The following COPZ1 variants were observed in gnomAD, a reference collection of about 807,000 sequenced individuals.
COPZ1 encodes the protein coat protein complex I subunit zeta 1.
Under a neutral mutation model 31.7 loss-of-function variants are expected in COPZ1, and 4 were observed. That is an observed-to-expected ratio of 0.13 (90% CI 0.06 to 0.29). The LOEUF (loss-of-function observed/expected upper bound fraction) is 0.29, where lower values mean the gene tolerates loss of function less well. Among genes scored for constraint, COPZ1 ranks in the 10% least tolerant of loss-of-function variants. The pLI is 1.00. For missense variants in COPZ1, 156 were observed against 211.5 expected (o/e 0.74, Z 1.63); for synonymous variants, 74 against 79.0 (o/e 0.94, Z 0.33).
At chr12:54,342,378 A>T in intron 3 of COPZ1, 91 bp downstream of exon 3, 2 of 938,548 alleles carry the variant, frequency 2.1e-6, no homozygotes, top group African/African-American at 1.6e-5. Flanking sequence ...GGATGAAATG[A>T]CTCTGCCTTT....
At chr12:54,334,891 A>C (rs1280417509) in intron 1 of COPZ1, among the ~76,000 whole-genome samples, 1 of 152,118 alleles carries the variant, frequency 6.6e-6, no homozygotes, top group African/African-American at 2.4e-5. Flanking sequence ...GTTGGCACAG[A>C]GGCCAGGTGC....
chr12:54,343,207 C>T lies in COPZ1; in HGVS notation c.170-18C>T. 1 of 1,603,722 alleles carries T rather than the reference C, an allele frequency of 6.2e-7. No homozygotes were observed. The highest frequency in any genetic ancestry group is 8.5e-7 in the Non-Finnish European group (1 of 1,170,640). ...TATCTCAAGCCACCCACTATTTTTA[C>T]TTTTTTTCCCCCACCAGGTGAAATT... On this transcript the variant is annotated intron_variant, in intron 3 of 8. Coordinates refer to ENST00000262061, the MANE Select transcript of COPZ1 (RefSeq NM_016057.3).
chr12:54,333,643 A>T (rs147737219), intron 1 of COPZ1, among the ~76,000 whole-genome samples: 14 of 152,258 alleles, frequency 9.2e-5, no homozygotes, highest in African/African-American at 3.4e-4. Context: ...GTTCAGGTCC[A>T]GCCTGGGCAA....
intron 1 of COPZ1, among the ~76,000 whole-genome samples, chr12:54,327,442 C>T (rs1171030806): frequency 6.6e-6 from 1 of 151,952 alleles, no homozygotes; most frequent in Non-Finnish European, 1.5e-5. Flanking sequence ...GGACTACAGG[C>T]ACGTGCTGCC....
At chr12:54,343,185 C>G in intron 3 of COPZ1, 40 bp from the exon 4 acceptor site, 1 of 1,513,878 alleles carries the variant, frequency 6.6e-7, no homozygotes, top group Non-Finnish European at 9.2e-7. Flanking sequence ...ACTTCCTTAT[C>G]TCAAGCCACC....
chr12:54,335,736 A>T (rs1223598091), intron 1 of COPZ1, among the ~76,000 whole-genome samples: 1 of 151,778 alleles, frequency 6.6e-6, no homozygotes, highest in Non-Finnish European at 1.5e-5. Context: ...CAGTAGCGCA[A>T]TTGTAGCTCA....
chr12:54,340,765 C>T (rs1233698461), intron 2 of COPZ1, 150 bp downstream of exon 2: 3 of 858,880 alleles, frequency 3.5e-6, no homozygotes, highest in South Asian at 1.8e-5. Context: ...GAGTTTCGCT[C>T]TTATCACCCA....
At chr12:54,349,700 T>A in intron 8 of COPZ1, 42 bp downstream of exon 8, 1 of 1,497,098 alleles carries the variant, frequency 6.7e-7, no homozygotes, top group Non-Finnish European at 9.3e-7. Flanking sequence ...ACTGGGTCAC[T>A]AAAGAGGCTA....
intron 1 of COPZ1, among the ~76,000 whole-genome samples, chr12:54,333,525 T>TTAA (rs1953797155): frequency 6.6e-6 from 1 of 152,152 alleles, no homozygotes; most frequent in Admixed American, 6.6e-5. Flanking sequence ...AAAATTTGAG[T>TTAA]TAATGGCTGA....
chr12:54,349,983 A>G (rs564631119), intron 8 of COPZ1: 800 of 591,164 alleles, frequency 1.4e-3, no homozygotes, highest in Non-Finnish European at 2.1e-3. Flanking sequence ...GCATTTGTGC[A>G]CACACACTCT....
chr12:54,334,116 G>T (rs1371725149), intron 1 of COPZ1, among the ~76,000 whole-genome samples: 3 of 151,924 alleles, frequency 2.0e-5, no homozygotes, highest in Non-Finnish European at 4.4e-5. Flanking sequence ...GATATAGGCT[G>T]GGCGTGGTGG....
Position 54,350,629 on chromosome 12 carries a change from C to T in COPZ1, c.*106C>T, listed in dbSNP as rs1296710109. On this transcript the variant is annotated 3_prime_UTR_variant, in exon 9 of 9. Transcript: ENST00000262061. ...ATGCTCTCAGGGTCATCTCGGGGAT[C>T]ACAGGGATCCTTAAATCTCCATTCT... 1 of 905,142 alleles carries T rather than the reference C, an allele frequency of 1.1e-6. No homozygotes were observed. The highest frequency in any genetic ancestry group is 1.6e-5 in the African/African-American group (1 of 61,334). The allele number at this position is 905,142 out of a possible 1,614,324, so 56.1% of individuals were successfully genotyped here. A position where few individuals can be genotyped will look rare whatever the true frequency, so the allele number is the denominator to read the frequency against.
In COPZ1 at chr12:54,332,903, G is replaced by A. The variant is rs139116872; in HGVS notation, c.19-7644G>A. ...ACTGGATGCCAGGTAGAGTAGAGGG[G>A]GTGGTTTACAAAAGTATCACTCATT... is the stretch of plus-strand genomic sequence containing the variant. On this transcript the variant is annotated intron_variant, in intron 1 of 8. Transcript: ENST00000262061. 1.6e-4 allele frequency among the ~76,000 whole-genome samples: 24 copies of A among 151,982 alleles called. No homozygotes were observed. In the East Asian group the frequency reaches 4.4e-3, roughly 28 times the overall value.
rs762469625 is a variant in COPZ1, at chr12:54,350,343, T to C, written c.487-133T>C. On this transcript the variant is annotated intron_variant, in intron 8 of 8. Coordinates refer to ENST00000262061, the MANE Select transcript of COPZ1 (RefSeq NM_016057.3). ...CCTTAGAGAGCTTCTTCCCATCTCT[T>C]TACCCTTGGGGATTTTCTATTCTCC... is the stretch of plus-strand genomic sequence containing the variant. 3.6e-6 allele frequency: 3 copies of C among 822,320 alleles called. No homozygotes were observed. The Admixed American group carries it at 5.1e-5, about 14-fold the overall frequency. 50.9% of individuals were successfully genotyped at this position (822,320 alleles called of 1,614,324 possible).
intron 1 of COPZ1, among the ~76,000 whole-genome samples, chr12:54,329,762 T>G (rs565006950): frequency 6.6e-6 from 1 of 152,282 alleles, no homozygotes; most frequent in Non-Finnish European, 1.5e-5. Flanking sequence ...AAATCCTAAA[T>G]TCTAAGCCTC....
intron 7 of COPZ1, among the ~76,000 whole-genome samples, chr12:54,348,578 GAC>G (rs1954100875): frequency 6.6e-6 from 1 of 151,844 alleles, no homozygotes; most frequent in East Asian, 1.9e-4. Context: ...CTCTACTAAA[GAC>G]ACAAAAATTA....
At chr12:54,329,087 C>G (rs771816976) in intron 1 of COPZ1, among the ~76,000 whole-genome samples, 1 of 152,168 alleles carries the variant, frequency 6.6e-6, no homozygotes, top group Non-Finnish European at 1.5e-5. Flanking sequence ...AGGAAAGAGA[C>G]CCTTTCATCT....
rs756106705 is a variant in COPZ1, at chr12:54,342,302, T to C, written c.169+15T>C. ...TCGGACTGACAGTAGGTCATTTTCCTTTCACTACTACCCGTGCTGGGGGGA... is the reference window on the plus strand; with the variant it reads ...TCGGACTGACAGTAGGTCATTTTCCCTTCACTACTACCCGTGCTGGGGGGA... On this transcript the variant is annotated intron_variant, in intron 3 of 8. Transcript: ENST00000262061. The C allele has an allele frequency of 6.3e-7, 1 of 1,592,870 alleles. No homozygotes were observed. Among genetic ancestry groups the C allele is most frequent in the Non-Finnish European group, 8.6e-7 (1 of 1,160,562 alleles).
chr12:54,332,093 G>C (rs1953766943), intron 1 of COPZ1, among the ~76,000 whole-genome samples: 1 of 152,168 alleles, frequency 6.6e-6, no homozygotes, highest in Admixed American at 6.5e-5. Context: ...GGGAGGCCGA[G>C]GCGGGCGGAT....
Sources: allele counts gnomAD v4.1 joint callset (sites outside exome capture counted in the v4.1 genomes callset), GRCh38; gene constraint gnomAD v4.1.1; transcripts MANE v1.5; gene names NCBI Gene and HGNC (gene_info 2026-07-23, HGNC 2026-07-21).